The following DCDC1 variants were observed in gnomAD, a reference collection of about 807,000 sequenced individuals.
DCDC1 encodes doublecortin domain containing 1.
In DCDC1, 200 loss-of-function variants were observed where a neutral mutation model predicts 178.3. The ratio of observed to expected loss-of-function variants is 1.12; its 90% CI spans 1.00 to 1.26. The LOEUF (loss-of-function observed/expected upper bound fraction) is 1.26, where lower values mean the gene tolerates loss of function less well. Ranked by LOEUF, DCDC1 falls within the 50% of genes most tolerant of loss-of-function variation. The probability of loss-of-function intolerance (pLI) is 0.00; values close to 1 mark genes in which losing one functional copy is unlikely to be tolerated. For missense variants in DCDC1, 1,983 were observed against 1,749.2 expected (o/e 1.13, Z -2.38); for synonymous variants, 690 against 604.8 (o/e 1.14, Z -2.07).
At chr11:31,076,551 T>G (rs965280904) in intron 18 of DCDC1, among the ~76,000 whole-genome samples, 1 of 152,038 alleles carries the variant, frequency 6.6e-6, no homozygotes, top group African/African-American at 2.4e-5. Flanking sequence ...CTTGCCATGT[T>G]GCCCATGCTG....
intron 38 of DCDC1, among the ~76,000 whole-genome samples, chr11:30,869,046 AG>A (rs1941292403): frequency 6.6e-6 from 1 of 152,238 alleles, no homozygotes; most frequent in Non-Finnish European, 1.5e-5. Flanking sequence ...CGCTTGTGAA[AG>A]GGGGTGACAA....
At chr11:31,201,635 A>G (rs1230740351) in intron 9 of DCDC1, among the ~76,000 whole-genome samples, 2 of 152,040 alleles carry the variant, frequency 1.3e-5, no homozygotes, top group African/African-American at 4.8e-5. Flanking sequence ...GTGGTGCCCA[A>G]ACTAAAAAAC....
chr11:30,922,170 A>G (rs1039036115), intron 24 of DCDC1, among the ~76,000 whole-genome samples: 47 of 152,228 alleles, frequency 3.1e-4, no homozygotes, highest in African/African-American at 1.1e-3. Flanking sequence ...GATTCTGGAG[A>G]TAGAGAAATC....
At chr11:31,111,102 C>A (rs1219121055) in intron 11 of DCDC1, among the ~76,000 whole-genome samples, 1 of 152,076 alleles carries the variant, frequency 6.6e-6, no homozygotes, top group Non-Finnish European at 1.5e-5. Context: ...TGGGGTGTGC[C>A]ATTCACCAGG....
intron 17 of DCDC1, among the ~76,000 whole-genome samples, chr11:31,082,907 T>A (rs150442860): frequency 1.7e-3 from 263 of 152,322 alleles, no homozygotes; most frequent in Admixed American, 2.8e-3. Flanking sequence ...CCATAATTCA[T>A]AACATAGTAA....
intron 3 of DCDC1, among the ~76,000 whole-genome samples, chr11:31,323,740 T>G (rs1307776378): frequency 1.3e-5 from 2 of 152,048 alleles, no homozygotes; most frequent in African/African-American, 4.8e-5. Context: ...CAATAATGAA[T>G]CATCAGTTTA....
intron 38 of DCDC1, among the ~76,000 whole-genome samples, chr11:30,874,056 A>C (rs886939231): frequency 2.0e-5 from 3 of 152,236 alleles, no homozygotes; most frequent in African/African-American, 7.2e-5. Context: ...GAGGCTACTT[A>C]GACTCAAATA....
At position 31,015,150 on chromosome 11, in the gene DCDC1, G is replaced by A. The variant is rs185809555; in HGVS notation, c.2591+49319C>T. Among the ~76,000 whole-genome samples the A allele has an allele frequency of 7.6e-4, 115 of 151,898 alleles. No homozygotes were observed. In the Middle Eastern group the frequency reaches 0.01, roughly 13 times the overall value. On this transcript the variant is annotated intron_variant, in intron 20 of 38. Coordinates refer to ENST00000684477, the MANE Select transcript of DCDC1 (RefSeq NM_001387274.1). Reference sequence around the variant, plus strand: ...TTTTAGTAGAGACGGGGGTTTCACCGGTTTAGCCAGGGTGGTCTCGATCTC... The same window carrying A: ...TTTTAGTAGAGACGGGGGTTTCACCAGTTTAGCCAGGGTGGTCTCGATCTC...
At chr11:30,877,544 C>A (rs1942246956) in intron 38 of DCDC1, among the ~76,000 whole-genome samples, 1 of 152,070 alleles carries the variant, frequency 6.6e-6, no homozygotes, top group East Asian at 1.9e-4. Flanking sequence ...CATAATTTTT[C>A]TTTTAAATAG....
chr11:31,265,523 A>C lies in DCDC1; in HGVS notation c.1038T>G (p.Ile346Met). The C allele has an allele frequency of 4.2e-6, 6 of 1,427,596 alleles. No homozygotes were observed. The highest frequency in any genetic ancestry group is 5.6e-6 in the Non-Finnish European group (6 of 1,080,644). The allele number at this position is 1,427,596 out of a possible 1,614,324, so 88.4% of individuals were successfully genotyped here. ...RYFYDLYGRK[I>M]EDISKVPLLE... Reference sequence around the variant, plus strand: ...GCCACTTACCTTTTGAAATATCTTCAATTTTTCTGCCATACAAATCATAAA... The same window carrying C: ...GCCACTTACCTTTTGAAATATCTTCCATTTTTCTGCCATACAAATCATAAA... Residue 346 changes from isoleucine (I) to methionine (M), a missense_variant, in exon 8 of 39, where the codon ATT becomes ATG. By Grantham distance (10) the Ile-to-Met change is conservative. Transcript: ENST00000684477.
At chr11:31,279,427 T>G (rs1461134505) in intron 7 of DCDC1, among the ~76,000 whole-genome samples, 5 of 152,128 alleles carry the variant, frequency 3.3e-5, no homozygotes, top group African/African-American at 1.2e-4. Context: ...GTGAAGTTTA[T>G]AAGACACATG....
At chr11:31,321,625 C>T (rs1949364416) in intron 3 of DCDC1, among the ~76,000 whole-genome samples, 1 of 151,000 alleles carries the variant, frequency 6.6e-6, no homozygotes, top group African/African-American at 2.4e-5. Flanking sequence ...CTGCGTCGCT[C>T]ACGCTGGGAG....
intron 9 of DCDC1, among the ~76,000 whole-genome samples, chr11:31,179,069 G>GA (rs1451023616): frequency 1.3e-5 from 2 of 151,848 alleles, no homozygotes; most frequent in East Asian, 3.9e-4. Flanking sequence ...ACAGGTATAT[G>GA]AAAAAAAATG....
At chr11:31,272,448 C>T (rs565425474) in intron 7 of DCDC1, among the ~76,000 whole-genome samples, 1 of 152,304 alleles carries the variant, frequency 6.6e-6, no homozygotes, top group Admixed American at 6.5e-5. Flanking sequence ...CAAAAGTCCA[C>T]AGTCCAAAGT....
chr11:30,980,558 T>G (rs946262209), intron 20 of DCDC1, among the ~76,000 whole-genome samples: 5 of 152,130 alleles, frequency 3.3e-5, no homozygotes, highest in African/African-American at 7.2e-5. Flanking sequence ...GGAAGCCCAT[T>G]GTGGTGTTGG....
At chr11:31,366,842 T>C (rs1285492302) in intron 1 of DCDC1, among the ~76,000 whole-genome samples, 1 of 152,148 alleles carries the variant, frequency 6.6e-6, no homozygotes, top group Admixed American at 6.5e-5. Context: ...GTTAACTACG[T>C]ATGAGAAAAC....
At position 31,316,954 on chromosome 11, in the gene DCDC1, T is replaced by A. The variant is rs941227005; in HGVS notation, c.165-9046A>T. Among the ~76,000 whole-genome samples, 2 of 35,994 alleles carry A rather than the reference T, an allele frequency of 5.6e-5. 1 individual carries two copies. Among genetic ancestry groups the A allele is most frequent in the Non-Finnish European group, 9.0e-5 (2 of 22,220 alleles). 23.6% of individuals were successfully genotyped at this position (35,994 alleles called of 152,430 possible). ...TTGTTTTTCTCAGGTTTGTCAAAGA[T>A]CAGATAGTTGTAGATATGCGGCATT... On this transcript the variant is annotated intron_variant, in intron 3 of 38. Transcript: ENST00000684477.
chr11:31,165,934 A>G (rs1008715664), intron 9 of DCDC1, among the ~76,000 whole-genome samples: 2 of 152,210 alleles, frequency 1.3e-5, no homozygotes, highest in African/African-American at 4.8e-5. Flanking sequence ...TGTGCTTACC[A>G]TGTCTAAAAT....
At chr11:30,953,883 TAAATC>T (rs1208955503) in intron 20 of DCDC1, among the ~76,000 whole-genome samples, 1 of 150,708 alleles carries the variant, frequency 6.6e-6, no homozygotes, top group African/African-American at 2.4e-5. Flanking sequence ...CTCTTGCAAA[TAAATC>T]TAGATGAATA....
Sources: gnomAD v4.1 joint callset for allele counts (sites outside exome capture counted in the v4.1 genomes callset) on GRCh38, gnomAD v4.1.1 for gene constraint, MANE v1.5 for transcripts, NCBI Gene and HGNC (gene_info 2026-07-23, HGNC 2026-07-21) for gene names.